Variants in HYAL4 observed in about 807,000 individuals in gnomAD.
The protein encoded by HYAL4 is hyaluronidase 4, also known as hyaluronidase-4.
HYAL4 carries 37 observed loss-of-function variants against 35.2 expected under a neutral mutation model. That is an observed-to-expected ratio of 1.05 (90% CI 0.81 to 1.38). HYAL4 has a LOEUF of 1.38. Among genes scored for constraint, HYAL4 ranks in the 40% most tolerant of loss-of-function variants. The pLI is 0.00. For synonymous variants in HYAL4, 198 were observed against 203.2 expected, an observed-to-expected ratio of 0.97 and a Z score of 0.22; for missense variants, 572 against 572.4, an observed-to-expected ratio of 1.00 and a Z score of 0.01.
the HYAL4 span, among the ~76,000 whole-genome samples, chr7:123,767,564 ACAAG>A: frequency 6.6e-6 from 1 of 152,212 alleles, no homozygotes; most frequent in African/African-American, 2.4e-5. Flanking sequence ...GGAAAAACAA[ACAAG>A]CAAAACAGGA....
At chr7:123,865,251 C>T (rs1439759939) in intron 2 of HYAL4, among the ~76,000 whole-genome samples, 1 of 152,022 alleles carries the variant, frequency 6.6e-6, no homozygotes, top group Admixed American at 6.6e-5. Flanking sequence ...TTTTTTGGTA[C>T]ACAAATATAG....
At chr7:123,816,455 G>A in the HYAL4 span, among the ~76,000 whole-genome samples, 1 of 152,114 alleles carries the variant, frequency 6.6e-6, no homozygotes, top group Non-Finnish European at 1.5e-5. Context: ...CCTACCTTGT[G>A]TCAGGAATTA....
intron 2 of HYAL4, among the ~76,000 whole-genome samples, chr7:123,855,280 G>A (rs1183243222): frequency 6.6e-6 from 1 of 152,114 alleles, no homozygotes. Flanking sequence ...ACTGGTCAAT[G>A]CATTTTCTTC....
the HYAL4 span, among the ~76,000 whole-genome samples, chr7:123,775,029 A>G: frequency 6.6e-6 from 1 of 152,200 alleles, no homozygotes; most frequent in African/African-American, 2.4e-5. Flanking sequence ...TCCACTCTGG[A>G]TACCTGGAGT....
chr7:123,876,452 G>T (rs951592501), intron 4 of HYAL4, among the ~76,000 whole-genome samples: 9 of 152,158 alleles, frequency 5.9e-5, no homozygotes, highest in African/African-American at 2.2e-4. Context: ...TTGCAGAAAG[G>T]CAAGGTCTCA....
chr7:123,796,942 G>A, the HYAL4 span, among the ~76,000 whole-genome samples: 5 of 152,158 alleles, frequency 3.3e-5, no homozygotes, highest in Non-Finnish European at 1.5e-5. Flanking sequence ...TAAGTAGGGA[G>A]GTGATAGCTA....
chr7:123,822,269 A>C, the HYAL4 span, among the ~76,000 whole-genome samples: 1 of 152,178 alleles, frequency 6.6e-6, no homozygotes, highest in East Asian at 1.9e-4. Flanking sequence ...AAGTTTTTCT[A>C]TCCATAAACA....
intron 1 of HYAL4, among the ~76,000 whole-genome samples, chr7:123,833,107 G>A (rs1054389707): frequency 1.3e-5 from 2 of 152,116 alleles, no homozygotes; most frequent in African/African-American, 4.8e-5. Context: ...CAGTGTTGGG[G>A]TTGCTGGAAC....
chr7:123,802,648 C>T, the HYAL4 span, among the ~76,000 whole-genome samples: 52,235 of 151,558 alleles, frequency 0.34, 9,304 homozygotes, highest in Middle Eastern at 0.42. Context: ...CCTGGGCATA[C>T]GTTACTCTTC....
the HYAL4 span, among the ~76,000 whole-genome samples, chr7:123,790,046 T>A: frequency 2.6e-5 from 4 of 152,146 alleles, no homozygotes; most frequent in Admixed American, 1.3e-4. Context: ...TTGAGTCTGA[T>A]GCAATTTGGA....
the HYAL4 span, among the ~76,000 whole-genome samples, chr7:123,780,079 C>T: frequency 6.6e-6 from 1 of 152,112 alleles, no homozygotes; most frequent in African/African-American, 2.4e-5. Flanking sequence ...ATTTCTGGCT[C>T]TCCTACTTTA....
At chr7:123,828,100 A>G (rs1005001987), upstream of HYAL4, among the ~76,000 whole-genome samples, 4 of 152,118 alleles carry the variant, frequency 2.6e-5, no homozygotes, top group Admixed American at 1.3e-4. Flanking sequence ...GGACACACCA[A>G]TGAAATACCC....
the HYAL4 span, among the ~76,000 whole-genome samples, chr7:123,791,300 T>A: frequency 6.6e-6 from 1 of 152,200 alleles, no homozygotes; most frequent in Non-Finnish European, 1.5e-5. Context: ...AACTTTAAGT[T>A]CTAATTTCTT....
chr7:123,873,641 G>A (rs1013337829), intron 3 of HYAL4, among the ~76,000 whole-genome samples: 7 of 152,184 alleles, frequency 4.6e-5, no homozygotes, highest in Admixed American at 2.0e-4. Context: ...ATCCTAAAGA[G>A]TGGGGTGAGG....
At chr7:123,832,554 C>T (rs1805902432) in intron 1 of HYAL4, among the ~76,000 whole-genome samples, 1 of 122,206 alleles carries the variant, frequency 8.2e-6, no homozygotes, top group African/African-American at 3.1e-5. Context: ...GGCTGGAGTG[C>T]AGCGGTGCCA....
chr7:123,875,786 T>A (rs180739682), intron 4 of HYAL4, among the ~76,000 whole-genome samples: 18 of 152,276 alleles, frequency 1.2e-4, no homozygotes, highest in African/African-American at 3.8e-4. Flanking sequence ...CTCTTCCATA[T>A]TTCCAGATGC....
chr7:123,786,752 ATCTT>A, the HYAL4 span, among the ~76,000 whole-genome samples: 1 of 150,860 alleles, frequency 6.6e-6, no homozygotes, highest in African/African-American at 2.4e-5. Flanking sequence ...CTATCTATCT[ATCTT>A]TCATCTATCT....
At chr7:123,771,081 G>A in the HYAL4 span, among the ~76,000 whole-genome samples, 19 of 152,166 alleles carry the variant, frequency 1.2e-4, no homozygotes, top group Non-Finnish European at 2.8e-4. Context: ...AGTCCAGTTA[G>A]TTCTAAGCAT....
intron 2 of HYAL4, among the ~76,000 whole-genome samples, chr7:123,862,165 G>A (rs1806589191): frequency 6.6e-6 from 1 of 152,072 alleles, no homozygotes; most frequent in Admixed American, 6.6e-5. Context: ...TGAACTTGAT[G>A]GTTCTGCTCT....
Sources: allele counts gnomAD v4.1 joint callset (sites outside exome capture counted in the v4.1 genomes callset), GRCh38; gene constraint gnomAD v4.1.1; transcripts MANE v1.5; gene names NCBI Gene and HGNC (gene_info 2026-07-23, HGNC 2026-07-21).